Variants in BBS9 observed in about 807,000 individuals in gnomAD.
BBS9 encodes the protein protein PTHB1.
Under a neutral mutation model 117.7 loss-of-function variants are expected in BBS9, and 89 were observed. The observed-to-expected ratio is 0.76, with a 90% confidence interval of 0.64 to 0.90. BBS9 has a LOEUF of 0.90. Ranked by LOEUF, BBS9 falls within the 40% of genes least tolerant of loss-of-function variation. The pLI, the probability that BBS9 is intolerant of heterozygous loss-of-function variation, is 0.00. For missense variants in BBS9, 982 were observed against 1,042.2 expected, an observed-to-expected ratio of 0.94 and a Z score of 0.80; for synonymous variants, 379 against 370.9, an observed-to-expected ratio of 1.02 and a Z score of -0.25.
intron 19 of BBS9, among the ~76,000 whole-genome samples, chr7:33,448,072 A>G (rs1837256391): frequency 6.6e-6 from 1 of 152,182 alleles, no homozygotes; most frequent in Non-Finnish European, 1.5e-5. Context: ...AGTTCTGGCC[A>G]GTAAGTTGGA....
chr7:33,616,900 C>T (rs1865166007), intron 21 of BBS9, among the ~76,000 whole-genome samples: 1 of 151,844 alleles, frequency 6.6e-6, no homozygotes, highest in Non-Finnish European at 1.5e-5. Context: ...TCGATTATTC[C>T]ACTTGCTATG....
intron 5 of BBS9, among the ~76,000 whole-genome samples, chr7:33,180,248 G>T (rs1021964492): frequency 2.0e-5 from 3 of 152,138 alleles, no homozygotes; most frequent in Non-Finnish European, 4.4e-5. Flanking sequence ...AGCAGTAGGG[G>T]GTACCTGTGT....
chr7:33,469,742 A>C (rs939484338), intron 19 of BBS9, among the ~76,000 whole-genome samples: 2 of 152,102 alleles, frequency 1.3e-5, no homozygotes, highest in African/African-American at 4.8e-5. Context: ...AAAAGAGGAG[A>C]ACAAAGAAAA....
At chr7:33,531,219 T>C (rs1037534711) in intron 20 of BBS9, among the ~76,000 whole-genome samples, 1 of 152,160 alleles carries the variant, frequency 6.6e-6, no homozygotes, top group African/African-American at 2.4e-5. Flanking sequence ...CACTCTAGCC[T>C]GGGCAACAAG....
At chr7:33,527,421 C>T (rs1849757403) in intron 20 of BBS9, among the ~76,000 whole-genome samples, 1 of 152,196 alleles carries the variant, frequency 6.6e-6, no homozygotes, top group African/African-American at 2.4e-5. Flanking sequence ...GTAGGACCCT[C>T]CGAGCCAGGT....
chr7:33,395,448 G>C (rs1827794586), intron 19 of BBS9, among the ~76,000 whole-genome samples: 1 of 152,120 alleles, frequency 6.6e-6, no homozygotes, highest in Non-Finnish European at 1.5e-5. Flanking sequence ...CTTATGTTTT[G>C]ATGCTATTAC....
At chr7:33,210,551 T>C (rs557076892) in intron 5 of BBS9, among the ~76,000 whole-genome samples, 1 of 152,320 alleles carries the variant, frequency 6.6e-6, no homozygotes, top group Non-Finnish European at 1.5e-5. Context: ...ATTTTTTTCT[T>C]TTTTGAGACA....
intron 19 of BBS9, among the ~76,000 whole-genome samples, chr7:33,403,493 G>C (rs1197736877): frequency 1.7e-5 from 2 of 120,482 alleles, no homozygotes; most frequent in African/African-American, 6.4e-5. Flanking sequence ...AGTCGCCAGA[G>C]TGTGATATTC....
chr7:33,461,568 C>T (rs368333051), intron 19 of BBS9, among the ~76,000 whole-genome samples: 1 of 151,690 alleles, frequency 6.6e-6, no homozygotes, highest in Admixed American at 6.6e-5. Context: ...TCTAGTCTTC[C>T]GCTCTAAGAC....
Position 33,336,638 on chromosome 7 carries a change from C to G in BBS9, c.1198+16C>G. On this transcript the variant is annotated intron_variant, in intron 10 of 22. Transcript: ENST00000242067. ...AAATCACAAGGTATCTCATTTGCAG[C>G]TTTTTATTATTTTAGTATTCATTAT... 6.5e-7 allele frequency: 1 copy of G among 1,546,238 alleles called. No individual in the cohort carries two copies. Among genetic ancestry groups the G allele is most frequent in the Middle Eastern group, 2.0e-4 (1 of 5,006 alleles).
At chr7:33,333,613 C>G (rs1814625640) in intron 9 of BBS9, among the ~76,000 whole-genome samples, 1 of 151,834 alleles carries the variant, frequency 6.6e-6, no homozygotes, top group African/African-American at 2.4e-5. Context: ...ACAAACTAAG[C>G]TATAATGTCT....
intron 9 of BBS9, among the ~76,000 whole-genome samples, chr7:33,304,262 A>C (rs1156406050): frequency 1.2e-3 from 106 of 91,864 alleles, no homozygotes; most frequent in African/African-American, 3.2e-3. Context: ...AGGAGCGCCT[A>C]TGCCCGGCCG....
intron 9 of BBS9, among the ~76,000 whole-genome samples, chr7:33,287,400 T>C (rs1803109012): frequency 6.6e-6 from 1 of 152,204 alleles, no homozygotes; most frequent in Non-Finnish European, 1.5e-5. Flanking sequence ...CATTTCAAGA[T>C]AACGGTATTA....
At position 33,152,806 on chromosome 7, in the gene BBS9, A is replaced by G; in HGVS notation, c.218A>G (p.Asp73Gly). 4 of 1,613,926 alleles carry G rather than the reference A, an allele frequency of 2.5e-6. No homozygotes were observed. Among genetic ancestry groups the G allele is most frequent in the Middle Eastern group, 1.7e-4 (1 of 6,060 alleles). Residue 73 changes from aspartate (D) to glycine (G), a missense_variant, in exon 3 of 23, where the codon GAT (aspartate) becomes GGT (glycine). By Grantham distance (94) the Asp-to-Gly change is moderately conservative. Transcript: ENST00000242067. ...AQAEDLLLEV[D>G]LRDPVLQVEV... is the part of the protein sequence containing the mutation. ...GCCGAAGATTTGCTTCTAGAAGTGG[A>G]TCTACGAGATCCAGTACTTCAAGTG... is the stretch of plus-strand genomic sequence containing the variant.
intron 9 of BBS9, among the ~76,000 whole-genome samples, chr7:33,310,891 G>A (rs1157064408): frequency 1.3e-5 from 2 of 152,174 alleles, no homozygotes; most frequent in Non-Finnish European, 2.9e-5. Context: ...ATATATTCAT[G>A]AGCAAAGCAG....
intron 7 of BBS9, among the ~76,000 whole-genome samples, chr7:33,271,569 G>T (rs1217074406): frequency 6.6e-6 from 1 of 152,066 alleles, no homozygotes; most frequent in East Asian, 1.9e-4. Context: ...CTAATTTCAG[G>T]CAAAACAGAC....
At chr7:33,188,630 A>G (rs1783552720) in intron 5 of BBS9, among the ~76,000 whole-genome samples, 2 of 152,198 alleles carry the variant, frequency 1.3e-5, no homozygotes, top group African/African-American at 4.8e-5. Flanking sequence ...GAGGGAAGGG[A>G]GAGATTCCAA....
chr7:33,304,293 G>A (rs1807332386), intron 9 of BBS9, among the ~76,000 whole-genome samples: 1 of 150,138 alleles, frequency 6.7e-6, no homozygotes, highest in Non-Finnish European at 1.5e-5. Flanking sequence ...GAAGTGAGGA[G>A]CGCCTCTGCC....
At chr7:33,569,855 G>T (rs944989390) in intron 21 of BBS9, among the ~76,000 whole-genome samples, 1 of 152,210 alleles carries the variant, frequency 6.6e-6, no homozygotes, top group Non-Finnish European at 1.5e-5. Flanking sequence ...CCCTAGCTCT[G>T]TCTGAAGAGG....
Sources: allele counts gnomAD v4.1 joint callset (sites outside exome capture counted in the v4.1 genomes callset), GRCh38; gene constraint gnomAD v4.1.1; transcripts MANE v1.5; gene names NCBI Gene and HGNC (gene_info 2026-07-23, HGNC 2026-07-21).